Variants in POC1B observed in about 807,000 individuals in gnomAD.
The protein encoded by POC1B is POC1 centriolar protein homolog B.
In POC1B, 44 loss-of-function variants were observed where a neutral mutation model predicts 60.6. The observed-to-expected ratio is 0.73, with a 90% CI of 0.57 to 0.93. The LOEUF (loss-of-function observed/expected upper bound fraction) is 0.93, where lower values mean the gene tolerates loss of function less well. POC1B is among the 40% of genes least tolerant of loss of function. POC1B has a pLI of 0.00. For synonymous variants in POC1B, 180 were observed against 198.9 expected, an observed-to-expected ratio of 0.90 and a Z score of 0.80; for missense variants, 555 against 572.3, an observed-to-expected ratio of 0.97 and a Z score of 0.31.
At chr12:89,459,268 G>A (rs1882376987) in intron 10 of POC1B, among the ~76,000 whole-genome samples, 1 of 151,880 alleles carries the variant, frequency 6.6e-6, no homozygotes, top group South Asian at 2.1e-4. Context: ...GTGGGGTGGG[G>A]TGGCAGGGGG....
At chr12:89,415,368 G>A (rs1418459547), downstream of POC1B, among the ~76,000 whole-genome samples, 1 of 152,186 alleles carries the variant, frequency 6.6e-6, no homozygotes. Context: ...TAATAGCCGG[G>A]TGCGGTGGCT....
chr12:89,476,773 G>A (rs1263120519), intron 4 of POC1B, among the ~76,000 whole-genome samples: 1 of 148,928 alleles, frequency 6.7e-6, no homozygotes, highest in Non-Finnish European at 1.5e-5. Context: ...CAGACAGACA[G>A]ACAGACACTT....
At chr12:89,455,591 T>C (rs1346469287) in intron 10 of POC1B, among the ~76,000 whole-genome samples, 1 of 152,250 alleles carries the variant, frequency 6.6e-6, no homozygotes, top group African/African-American at 2.4e-5. Context: ...CAGCATCTCA[T>C]GTAATGCCTT....
At chr12:89,516,319 A>G (rs1870438703) in intron 2 of POC1B, among the ~76,000 whole-genome samples, 2 of 152,146 alleles carry the variant, frequency 1.3e-5, no homozygotes, top group South Asian at 4.1e-4. Context: ...ATTTGTTCTC[A>G]TTGCTCTACA....
At chr12:89,442,199 G>A (rs1881554425) in intron 10 of POC1B, among the ~76,000 whole-genome samples, 1 of 152,198 alleles carries the variant, frequency 6.6e-6, no homozygotes, top group Admixed American at 6.5e-5. Flanking sequence ...TTATCCAGGA[G>A]AACTTCCCCA....
At chr12:89,438,796 G>A (rs760929970) in intron 10 of POC1B, among the ~76,000 whole-genome samples, 6 of 152,184 alleles carry the variant, frequency 3.9e-5, no homozygotes, top group Non-Finnish European at 7.3e-5. Context: ...CATACATGCA[G>A]AATACTCACT....
intron 2 of POC1B, chr12:89,501,847 A>G: frequency 8.4e-7 from 1 of 1,195,538 alleles, no homozygotes; most frequent in Non-Finnish European, 1.3e-6. Context: ...TAAAAGGCAG[A>G]AGACAGCAAC....
At chr12:89,499,906 C>T (rs1487662949) in intron 2 of POC1B, among the ~76,000 whole-genome samples, 2 of 152,248 alleles carry the variant, frequency 1.3e-5, no homozygotes, top group East Asian at 3.8e-4. Flanking sequence ...GAGCCAATGG[C>T]CGGGAAGTGT....
chr12:89,470,516 C>T, intron 6 of POC1B, 22 bp from the exon 7 acceptor site: 2 of 1,553,938 alleles, frequency 1.3e-6, no homozygotes, highest in African/African-American at 1.4e-5. Flanking sequence ...AAAATAAAAG[C>T]AAAAAGTTCA....
intron 2 of POC1B, chr12:89,524,563 G>C (rs1324982650): frequency 1.2e-6 from 2 of 1,610,114 alleles, no homozygotes; most frequent in Non-Finnish European, 8.5e-7. Context: ...GATTCTCAGG[G>C]CTGAGGCGCA....
the POC1B span, among the ~76,000 whole-genome samples, chr12:89,405,935 G>A: frequency 3.3e-5 from 5 of 151,340 alleles, no homozygotes; most frequent in Non-Finnish European, 7.4e-5. Context: ...CTCCCACCTG[G>A]GTGAAAGAGT....
chr12:89,465,744 CA>C (rs1308917084), intron 9 of POC1B, among the ~76,000 whole-genome samples: 2 of 151,986 alleles, frequency 1.3e-5, no homozygotes, highest in Non-Finnish European at 2.9e-5. Flanking sequence ...TTGGAAAAGA[CA>C]AAGATTATAG....
chr12:89,470,597 T>C, intron 6 of POC1B, 103 bp from the exon 7 acceptor site: 1 of 966,952 alleles, frequency 1.0e-6, no homozygotes. Context: ...GAGCACTGTT[T>C]CCACAACAAC....
chr12:89,475,686 TAAGAC>T (rs1203388666), intron 4 of POC1B, among the ~76,000 whole-genome samples: 1 of 152,146 alleles, frequency 6.6e-6, no homozygotes, highest in Non-Finnish European at 1.5e-5. Flanking sequence ...AAATTTCTAC[TAAGAC>T]ATTAATAGAT....
At chr12:89,525,236 C>T in intron 1 of POC1B, 32 bp from the exon 2 acceptor site, 1 of 1,590,722 alleles carries the variant, frequency 6.3e-7, no homozygotes, top group Non-Finnish European at 8.6e-7. Flanking sequence ...TTTTGAAAGC[C>T]GCCGCAGACC....
intron 10 of POC1B, among the ~76,000 whole-genome samples, chr12:89,457,026 C>T (rs541092427): frequency 2.5e-4 from 38 of 152,302 alleles, no homozygotes; most frequent in Non-Finnish European, 4.4e-4. Context: ...GTCCAATCTA[C>T]AAAAACCAAA....
chr12:89,508,853 G>A (rs1008751282), intron 2 of POC1B, among the ~76,000 whole-genome samples: 3 of 152,144 alleles, frequency 2.0e-5, no homozygotes, highest in African/African-American at 7.2e-5. Flanking sequence ...GGATGTGTTT[G>A]TTTCCCCTTA....
chr12:89,475,414 T>C (rs1159955219), intron 4 of POC1B, among the ~76,000 whole-genome samples: 1 of 152,172 alleles, frequency 6.6e-6, no homozygotes, highest in Non-Finnish European at 1.5e-5. Context: ...GGTTAAGGCC[T>C]TCCCCCTGCT....
chr12:89,500,346 C>A, intron 2 of POC1B: 1 of 1,508,230 alleles, frequency 6.6e-7, no homozygotes, highest in Non-Finnish European at 9.2e-7. Flanking sequence ...CATCCAAAGT[C>A]AGTTCCACTT....
Sources: allele counts gnomAD v4.1 joint callset (sites outside exome capture counted in the v4.1 genomes callset), GRCh38; gene constraint gnomAD v4.1.1; transcripts MANE v1.5; gene names NCBI Gene and HGNC (gene_info 2026-07-23, HGNC 2026-07-21).